The following ZNF385B variants were observed in gnomAD, a reference collection of about 807,000 sequenced individuals.
The protein encoded by ZNF385B is zinc finger protein 533.
Under a neutral mutation model 39.2 loss-of-function variants are expected in ZNF385B, and 23 were observed. The observed-to-expected ratio is 0.59, with a 90% CI of 0.42 to 0.83. The LOEUF is 0.83. Ranked by LOEUF, ZNF385B falls within the 40% of genes least tolerant of loss-of-function variation. The probability of loss-of-function intolerance (pLI) is 0.00; values close to 1 mark genes in which losing one functional copy is unlikely to be tolerated. For missense variants in ZNF385B, 552 were observed against 598.9 expected (o/e 0.92, Z 0.82); for synonymous variants, 205 against 222.6 (o/e 0.92, Z 0.70).
intron 3 of ZNF385B, among the ~76,000 whole-genome samples, chr2:179,682,549 C>A (rs1018836338): frequency 3.3e-5 from 5 of 152,198 alleles, no homozygotes; most frequent in African/African-American, 1.2e-4. Context: ...AACTCTGTCT[C>A]TGAACAAATT....
intron 3 of ZNF385B, among the ~76,000 whole-genome samples, chr2:179,699,114 T>TAA (rs1439757397): frequency 3.4e-4 from 3 of 8,916 alleles, no homozygotes; most frequent in South Asian, 0.021. Flanking sequence ...AATTTTGTGT[T>TAA]AAAATATATA....
At chr2:179,691,611 A>G (rs2106344712) in intron 3 of ZNF385B, among the ~76,000 whole-genome samples, 1 of 152,300 alleles carries the variant, frequency 6.6e-6, no homozygotes, top group Non-Finnish European at 1.5e-5. Context: ...TCCTCATCGC[A>G]TATCTCTACT....
chr2:179,794,262 C>A (rs1017986248), intron 1 of ZNF385B, among the ~76,000 whole-genome samples: 3 of 152,138 alleles, frequency 2.0e-5, no homozygotes, highest in Admixed American at 6.5e-5. Context: ...GCCCACCCAA[C>A]CTCCACAGGT....
intron 3 of ZNF385B, among the ~76,000 whole-genome samples, chr2:179,598,736 GT>G (rs1688189687): frequency 6.6e-6 from 1 of 152,004 alleles, no homozygotes; most frequent in Non-Finnish European, 1.5e-5. Flanking sequence ...TGAAACTAAG[GT>G]TTTGCCTGCA....
intron 1 of ZNF385B, among the ~76,000 whole-genome samples, chr2:179,823,303 A>C (rs1707507237): frequency 6.6e-6 from 1 of 152,168 alleles, no homozygotes; most frequent in South Asian, 2.1e-4. Flanking sequence ...GGTGAATTTT[A>C]GTTCTAGATA....
At chr2:179,763,100 T>G (rs1295148715) in intron 3 of ZNF385B, among the ~76,000 whole-genome samples, 1 of 152,142 alleles carries the variant, frequency 6.6e-6, no homozygotes, top group African/African-American at 2.4e-5. Flanking sequence ...AGGTGGAGTT[T>G]CACCATGTTG....
chr2:179,632,739 CT>C (rs1644656312), intron 3 of ZNF385B, among the ~76,000 whole-genome samples: 1 of 152,034 alleles, frequency 6.6e-6, no homozygotes, highest in Non-Finnish European at 1.5e-5. Context: ...CAAAAAAACC[CT>C]TCAAAAAATC....
chr2:179,646,587 A>G (rs1351467902), intron 3 of ZNF385B, among the ~76,000 whole-genome samples: 1 of 152,208 alleles, frequency 6.6e-6, no homozygotes, highest in East Asian at 1.9e-4. Context: ...CCAGGGCCCA[A>G]AATAAATCTC....
At chr2:179,755,208 G>A (rs1287593998) in intron 3 of ZNF385B, among the ~76,000 whole-genome samples, 1 of 152,200 alleles carries the variant, frequency 6.6e-6, no homozygotes, top group Non-Finnish European at 1.5e-5. Flanking sequence ...TCATTCAGGA[G>A]CAGGTTGTTC....
At chr2:179,853,686 T>A (rs1330014216) in intron 1 of ZNF385B, among the ~76,000 whole-genome samples, 1 of 152,216 alleles carries the variant, frequency 6.6e-6, no homozygotes, top group Admixed American at 6.5e-5. Flanking sequence ...AATTGTATAA[T>A]GTACAATTAT....
At chr2:179,814,585 T>C in intron 1 of ZNF385B, 1 of 723,204 alleles carries the variant, frequency 1.4e-6, no homozygotes, top group Non-Finnish European at 2.3e-6. Context: ...CAGGAGATGG[T>C]CGACATCATA....
intron 3 of ZNF385B, among the ~76,000 whole-genome samples, chr2:179,632,168 C>T (rs1691287813): frequency 2.0e-5 from 3 of 152,164 alleles, no homozygotes; most frequent in Admixed American, 6.5e-5. Context: ...CAAGGATATC[C>T]AGGACTTTGA....
intron 4 of ZNF385B, among the ~76,000 whole-genome samples, chr2:179,539,294 T>C (rs1015739621): frequency 6.6e-6 from 1 of 152,046 alleles, no homozygotes; most frequent in African/African-American, 2.4e-5. Flanking sequence ...ACTAATCCCA[T>C]CATGAGGGCC....
chr2:179,843,417 C>A (rs1473528573), intron 1 of ZNF385B, among the ~76,000 whole-genome samples: 3 of 152,142 alleles, frequency 2.0e-5, no homozygotes, highest in Admixed American at 1.3e-4. Flanking sequence ...ATTTTGTTAA[C>A]AGAAAAATAG....
intron 3 of ZNF385B, among the ~76,000 whole-genome samples, chr2:179,752,570 G>A (rs559570944): frequency 0.012 from 1,828 of 152,168 alleles, 41 homozygotes; most frequent in African/African-American, 0.041. Context: ...AAGTGTTCCT[G>A]TTTCTCCACA....
chr2:179,769,385 A>G lies in ZNF385B; in HGVS notation c.298+118T>C, dbSNP rs954559569. ...ATTTTACCTGTAGGAGAAAGAGTAC[A>G]TGTTATCATGGTAGCCCAGTTTTAA... On this transcript the variant is annotated intron_variant, in intron 3 of 9. Transcript: ENST00000410066. The G allele has an allele frequency of 5.5e-6, 8 of 1,449,484 alleles. No homozygotes were observed. In the East Asian group the frequency reaches 7.1e-5, roughly 13 times the overall value. The allele number at this position is 1,449,484 out of a possible 1,614,324, so 89.8% of individuals were successfully genotyped here. A position where few individuals can be genotyped will look rare whatever the true frequency, so the allele number is the denominator to read the frequency against.
chr2:179,650,782 A>G (rs551401837), intron 3 of ZNF385B, among the ~76,000 whole-genome samples: 2 of 152,216 alleles, frequency 1.3e-5, no homozygotes, highest in Non-Finnish European at 2.9e-5. Context: ...GTGTTTATCT[A>G]TACAACATTA....
intron 1 of ZNF385B, among the ~76,000 whole-genome samples, chr2:179,790,408 C>G (rs934794308): frequency 2.0e-5 from 3 of 152,154 alleles, no homozygotes; most frequent in African/African-American, 7.2e-5. Flanking sequence ...CAGAAACACC[C>G]AGTAAGCTTT....
intron 3 of ZNF385B, among the ~76,000 whole-genome samples, chr2:179,679,900 G>A (rs191824151): frequency 6.6e-6 from 1 of 152,168 alleles, no homozygotes; most frequent in East Asian, 1.9e-4. Context: ...TCTCCATTTT[G>A]TTTTAACTTC....
Sources: gnomAD v4.1 joint callset for allele counts (sites outside exome capture counted in the v4.1 genomes callset) on GRCh38, gnomAD v4.1.1 for gene constraint, MANE v1.5 for transcripts, NCBI Gene and HGNC (gene_info 2026-07-23, HGNC 2026-07-21) for gene names.